GRIK3: variants seen among roughly 807,000 people sequenced by gnomAD.
GRIK3 encodes the protein glutamate receptor ionotropic, kainate 3.
Under a neutral mutation model 102.5 loss-of-function variants are expected in GRIK3, and 29 were observed. The observed-to-expected ratio is 0.28, with a 90% CI of 0.21 to 0.39. GRIK3 has a LOEUF of 0.39. Among genes scored for constraint, GRIK3 ranks in the 10% least tolerant of loss-of-function variants. GRIK3 has a pLI of 1.00. For missense variants in GRIK3, 908 were observed against 1,252.4 expected, an observed-to-expected ratio of 0.73 and a Z score of 4.15; for synonymous variants, 511 against 504.9, an observed-to-expected ratio of 1.01 and a Z score of -0.16.
chr1:36,850,621 C>A lies in GRIK3; in HGVS notation c.1213-197G>T, dbSNP rs567600375. ...CCTGCAGCTCTCCCTCCTCTCCTGA[C>A]GAGGGTCCCAGGGTGTCGAATCTCT... On this transcript the variant is annotated intron_variant, in intron 8 of 15. Coordinates refer to ENST00000373091, the MANE Select transcript of GRIK3 (RefSeq NM_000831.4). The surrounding 1 kb of genome is among the most constrained non-coding windows in gnomAD (Gnocchi z 4.0). Among the ~76,000 whole-genome samples, 7 of 152,234 alleles carry A rather than the reference C, an allele frequency of 4.6e-5. No homozygotes were observed. Among genetic ancestry groups the A allele is most frequent in the Non-Finnish European group, 8.8e-5 (6 of 68,044 alleles).
chr1:36,890,269 C>A (rs1641099129), intron 2 of GRIK3, among the ~76,000 whole-genome samples: 1 of 152,018 alleles, frequency 6.6e-6, no homozygotes, highest in Non-Finnish European at 1.5e-5. Context: ...TCAAGACCAG[C>A]CTGGACAACA....
At chr1:36,853,338 G>A (rs1417084080) in intron 8 of GRIK3, among the ~76,000 whole-genome samples, 1 of 152,142 alleles carries the variant, frequency 6.6e-6, no homozygotes, top group Non-Finnish European at 1.5e-5. Flanking sequence ...TTATGCTTCC[G>A]AGGTTAGGCA....
intron 1 of GRIK3, among the ~76,000 whole-genome samples, chr1:36,962,571 G>C (rs1202447029): frequency 6.6e-6 from 1 of 151,824 alleles, no homozygotes; most frequent in African/African-American, 2.4e-5. Flanking sequence ...GTGCAGTGGG[G>C]CCTGAGGCGA....
intron 10 of GRIK3, among the ~76,000 whole-genome samples, chr1:36,832,063 T>C (rs1640307311): frequency 1.2e-5 from 1 of 83,914 alleles, no homozygotes; most frequent in Admixed American, 1.5e-4. Context: ...TCAGAGGAAA[T>C]CAGAACTCCC....
chr1:36,896,921 G>A (rs970158945), intron 1 of GRIK3, among the ~76,000 whole-genome samples: 3 of 152,180 alleles, frequency 2.0e-5, no homozygotes, highest in Non-Finnish European at 4.4e-5. Flanking sequence ...AATCAATGCA[G>A]AAGCAGCATT....
intron 7 of GRIK3, among the ~76,000 whole-genome samples, chr1:36,857,734 G>A (rs1303691812): frequency 1.3e-5 from 2 of 152,222 alleles, no homozygotes; most frequent in Admixed American, 1.3e-4. Flanking sequence ...TGGAAGCAGC[G>A]ATGGTGAACT....
At chr1:37,010,767 C>T (rs530960393) in intron 1 of GRIK3, among the ~76,000 whole-genome samples, 29 of 138,348 alleles carry the variant, frequency 2.1e-4, no homozygotes, top group Admixed American at 1.6e-3. Flanking sequence ...TGGAGTCTCG[C>T]TCTGTCACCC....
chr1:36,935,329 G>C (rs1322220194), intron 1 of GRIK3, among the ~76,000 whole-genome samples: 1 of 152,074 alleles, frequency 6.6e-6, no homozygotes, highest in Non-Finnish European at 1.5e-5. Context: ...GCAATCCTGG[G>C]TACCCATATA....
intron 1 of GRIK3, among the ~76,000 whole-genome samples, chr1:36,923,135 G>C (rs1481782792): frequency 6.6e-6 from 1 of 152,190 alleles, no homozygotes; most frequent in African/African-American, 2.4e-5. Context: ...GAGTGGCAAA[G>C]AAATACATTA....
intron 1 of GRIK3, among the ~76,000 whole-genome samples, chr1:36,912,217 AG>A (rs1354673979): frequency 7.9e-5 from 12 of 152,128 alleles, no homozygotes; most frequent in African/African-American, 2.9e-4. Flanking sequence ...CCAACCCCAG[AG>A]GCCACTGCAG....
chr1:36,929,727 G>A (rs1047697530), intron 1 of GRIK3, among the ~76,000 whole-genome samples: 3 of 152,208 alleles, frequency 2.0e-5, no homozygotes, highest in African/African-American at 4.8e-5. Flanking sequence ...GCTATTTATT[G>A]TTGTGTAACA....
intron 1 of GRIK3, among the ~76,000 whole-genome samples, chr1:36,987,503 G>A (rs1642318803): frequency 6.6e-6 from 1 of 152,202 alleles, no homozygotes; most frequent in African/African-American, 2.4e-5. Context: ...ATCCCATGGG[G>A]AGGTGCTGGG....
chr1:36,971,688 T>C (rs1428805655), intron 1 of GRIK3, among the ~76,000 whole-genome samples: 1 of 152,132 alleles, frequency 6.6e-6, no homozygotes, highest in East Asian at 1.9e-4. Context: ...CCAGGGAGGC[T>C]TCTGGGTGGC....
rs1451020429 is a variant in GRIK3, at chr1:36,872,667, T to A, written c.551-298A>T. On this transcript the variant is annotated intron_variant, in intron 3 of 15. Coordinates refer to ENST00000373091, the MANE Select transcript of GRIK3 (RefSeq NM_000831.4). The surrounding 1 kb of genome is among the most constrained non-coding windows in gnomAD (Gnocchi z 5.9). ...AAGGCCTGTGCACACAGTGGTGCAG[T>A]ACACACATATGTAGATTCAAAAGTA... 1.3e-5 allele frequency among the ~76,000 whole-genome samples: 2 copies of A among 152,228 alleles called. No homozygotes were observed. The highest frequency in any genetic ancestry group is 4.8e-5 in the African/African-American group (2 of 41,454).
At chr1:36,941,529 C>T (rs1641719406) in intron 1 of GRIK3, among the ~76,000 whole-genome samples, 1 of 152,074 alleles carries the variant, frequency 6.6e-6, no homozygotes, top group Admixed American at 6.5e-5. Flanking sequence ...CTGGCTCTCT[C>T]TTTCTCTCCA....
At position 37,024,390 on chromosome 1, in the gene GRIK3, C is replaced by T. The variant is rs532551614; in HGVS notation, c.115+9604G>A. ...GCTTACCACGGCTGTGTTCTAAGCA[C>T]TTCATATGCATTAACTCATTCAATC... is the stretch of plus-strand genomic sequence containing the variant. On this transcript the variant is annotated intron_variant, in intron 1 of 15. Coordinates refer to ENST00000373091, the MANE Select transcript of GRIK3 (RefSeq NM_000831.4). 5.7e-4 allele frequency among the ~76,000 whole-genome samples: 87 copies of T among 152,032 alleles called. 1 individual carries two copies. In the South Asian group the frequency reaches 0.017, roughly 30 times the overall value.
At chr1:36,829,299 T>C (rs140914513) in intron 10 of GRIK3, among the ~76,000 whole-genome samples, 53 of 152,320 alleles carry the variant, frequency 3.5e-4, no homozygotes, top group African/African-American at 1.2e-3. Flanking sequence ...TTGTGCAAGT[T>C]TTCTTTGAGG....
rs1570731764 is a variant in GRIK3, at chr1:36,801,574, T to G, written c.*277A>C. 3.1e-6 allele frequency: 1 copy of G among 325,600 alleles called. No homozygotes were observed. Among genetic ancestry groups the G allele is most frequent in the Non-Finnish European group, 5.6e-6 (1 of 178,264 alleles). The allele number at this position is 325,600 out of a possible 1,614,324, so 20.2% of individuals were successfully genotyped here. A position where few individuals can be genotyped will look rare whatever the true frequency, so the allele number is the denominator to read the frequency against. ...CTCTGGAGGAGAGTTGAGGGGCAGGTGAGTTTGGCCTGAGAGAGGCATGTG... is the reference window on the plus strand; with the variant it reads ...CTCTGGAGGAGAGTTGAGGGGCAGGGGAGTTTGGCCTGAGAGAGGCATGTG... On this transcript the variant is annotated 3_prime_UTR_variant, in exon 16 of 16. Transcript: ENST00000373091.
chr1:36,926,737 TC>T, intron 1 of GRIK3, among the ~76,000 whole-genome samples: 1 of 152,160 alleles, frequency 6.6e-6, no homozygotes, highest in East Asian at 1.9e-4. Context: ...TGAAAAGGAA[TC>T]TGCTATTGTC....
Sources: allele counts gnomAD v4.1 joint callset (sites outside exome capture counted in the v4.1 genomes callset), GRCh38; gene constraint gnomAD v4.1.1; non-coding constraint Gnocchi (gnomAD v3.1); transcripts MANE v1.5; gene names NCBI Gene and HGNC (gene_info 2026-07-23, HGNC 2026-07-21).